HS3ST4: variants seen among roughly 807,000 people sequenced by gnomAD.
HS3ST4 encodes the protein heparan sulfate glucosamine 3-O-sulfotransferase 4.
HS3ST4 carries 17 observed loss-of-function variants against 29.2 expected under a neutral mutation model. That is an observed-to-expected ratio of 0.58 (90% CI 0.40 to 0.87). The LOEUF (loss-of-function observed/expected upper bound fraction) is 0.87. Among genes scored for constraint, HS3ST4 ranks in the 40% least tolerant of loss-of-function variants. HS3ST4 has a pLI of 0.00. For missense variants in HS3ST4, 627 were observed against 634.5 expected (o/e 0.99, Z 0.13); for synonymous variants, 314 against 285.7 (o/e 1.10, Z -1.00).
Position 25,756,396 on chromosome 16 carries a change from A to T in HS3ST4, c.734+63245A>T, listed in dbSNP as rs1379514621. Among the ~76,000 whole-genome samples, 4 of 152,114 alleles carry T rather than the reference A, an allele frequency of 2.6e-5. No individual in the cohort carries two copies. The East Asian group carries it at 7.7e-4, about 29-fold the overall frequency. On this transcript the variant is annotated intron_variant, in intron 1 of 1. Transcript: ENST00000331351. ...GGAGGTGAGTGCAGGGTACATCTAAAAGCTGAACTGTTAAATAGAAAGGCT... is the reference window on the plus strand; with the variant it reads ...GGAGGTGAGTGCAGGGTACATCTAATAGCTGAACTGTTAAATAGAAAGGCT...
At chr16:26,011,886 G>A (rs2141740459) in intron 1 of HS3ST4, among the ~76,000 whole-genome samples, 1 of 152,150 alleles carries the variant, frequency 6.6e-6, no homozygotes, top group African/African-American at 2.4e-5. Flanking sequence ...AGGATATGAA[G>A]TCTACAGATT....
intron 1 of HS3ST4, among the ~76,000 whole-genome samples, chr16:25,847,735 G>C (rs117127175): frequency 0.016 from 2,414 of 152,164 alleles, 22 homozygotes; most frequent in Middle Eastern, 0.024. Flanking sequence ...ATTTATTAAG[G>C]TGAACATATA....
intron 1 of HS3ST4, among the ~76,000 whole-genome samples, chr16:25,800,031 C>CTCCT (rs10559837): frequency 2.0e-5 from 3 of 149,462 alleles, no homozygotes; most frequent in East Asian, 2.0e-4. Flanking sequence ...TTCTCTCCCT[C>CTCCT]TCCTTCCTTC....
At chr16:25,906,310 C>G (rs1968179530) in intron 1 of HS3ST4, among the ~76,000 whole-genome samples, 1 of 152,144 alleles carries the variant, frequency 6.6e-6, no homozygotes, top group African/African-American at 2.4e-5. Context: ...CTGAAAAGTG[C>G]TTTTCAAGCA....
intron 1 of HS3ST4, among the ~76,000 whole-genome samples, chr16:26,106,351 T>G (rs144471380): frequency 6.6e-6 from 1 of 152,190 alleles, no homozygotes; most frequent in Non-Finnish European, 1.5e-5. Context: ...CAAGGTGACT[T>G]CTCTATAAGA....
intron 1 of HS3ST4, among the ~76,000 whole-genome samples, chr16:26,117,913 G>T (rs1193553266): frequency 6.6e-6 from 1 of 152,188 alleles, no homozygotes; most frequent in Non-Finnish European, 1.5e-5. Context: ...CAAGTGGGGA[G>T]GTACCAGCAA....
chr16:26,033,672 T>C (rs907190140), intron 1 of HS3ST4, among the ~76,000 whole-genome samples: 1 of 151,792 alleles, frequency 6.6e-6, no homozygotes, highest in Non-Finnish European at 1.5e-5. Flanking sequence ...CAGTGAGCCA[T>C]GATCACACCA....
chr16:25,966,898 A>G (rs575971970), intron 1 of HS3ST4, among the ~76,000 whole-genome samples: 1 of 152,284 alleles, frequency 6.6e-6, no homozygotes, highest in Admixed American at 6.5e-5. Flanking sequence ...ATGCCTCCAC[A>G]TCACTTGGAT....
intron 1 of HS3ST4, among the ~76,000 whole-genome samples, chr16:25,967,714 G>C (rs543123190): frequency 1.3e-5 from 2 of 152,284 alleles, no homozygotes; most frequent in Non-Finnish European, 2.9e-5. Flanking sequence ...CTGGACTCAA[G>C]TGAGAAGAGA....
intron 1 of HS3ST4, among the ~76,000 whole-genome samples, chr16:25,806,689 C>T (rs917270846): frequency 6.6e-6 from 1 of 152,054 alleles, no homozygotes. Flanking sequence ...GCATACATTC[C>T]TCATGCAGTT....
intron 1 of HS3ST4, among the ~76,000 whole-genome samples, chr16:25,837,856 G>A (rs1468113723): frequency 6.6e-6 from 1 of 152,144 alleles, no homozygotes; most frequent in African/African-American, 2.4e-5. Flanking sequence ...TGTCACTGAG[G>A]TTGGGTGTAG....
intron 1 of HS3ST4, among the ~76,000 whole-genome samples, chr16:26,029,512 A>G (rs1023679059): frequency 6.6e-6 from 1 of 152,062 alleles, no homozygotes; most frequent in Non-Finnish European, 1.5e-5. Context: ...TCCTGGGTTC[A>G]AGTGATTCTC....
chr16:25,955,286 A>G (rs908600893), intron 1 of HS3ST4, among the ~76,000 whole-genome samples: 11 of 152,304 alleles, frequency 7.2e-5, no homozygotes, highest in African/African-American at 2.6e-4. Flanking sequence ...GGGTTATGGC[A>G]CTAGGCTAGG....
intron 1 of HS3ST4, among the ~76,000 whole-genome samples, chr16:25,886,038 T>G (rs1171955393): frequency 7.1e-6 from 1 of 140,984 alleles, no homozygotes; most frequent in Non-Finnish European, 1.5e-5. Context: ...TTTTTTTTTT[T>G]TTTTTTTTTT....
intron 1 of HS3ST4, among the ~76,000 whole-genome samples, chr16:25,960,875 G>A (rs1407959405): frequency 6.6e-6 from 1 of 152,168 alleles, no homozygotes; most frequent in African/African-American, 2.4e-5. Context: ...ATCTGTGCAA[G>A]GAAACATGGG....
intron 1 of HS3ST4, among the ~76,000 whole-genome samples, chr16:25,742,558 A>G (rs948163501): frequency 1.3e-5 from 2 of 152,198 alleles, no homozygotes; most frequent in Non-Finnish European, 2.9e-5. Flanking sequence ...TTCCCAGAGG[A>G]TAATAGGGGT....
At chr16:25,936,656 T>C (rs1025202756) in intron 1 of HS3ST4, among the ~76,000 whole-genome samples, 2 of 152,268 alleles carry the variant, frequency 1.3e-5, no homozygotes, top group African/African-American at 4.8e-5. Context: ...CACAGCATTT[T>C]CTCTGTGTCA....
intron 1 of HS3ST4, among the ~76,000 whole-genome samples, chr16:25,871,828 C>T (rs974383003): frequency 6.6e-6 from 1 of 152,072 alleles, no homozygotes; most frequent in Non-Finnish European, 1.5e-5. Flanking sequence ...TCAGGCTAGA[C>T]AATTGTCAGA....
At chr16:26,067,076 C>T (rs1395422261) in intron 1 of HS3ST4, among the ~76,000 whole-genome samples, 3 of 152,138 alleles carry the variant, frequency 2.0e-5, no homozygotes, top group Non-Finnish European at 1.5e-5. Context: ...GATTAAGCAC[C>T]ATTTTTTAGG....
Sources: gnomAD v4.1 joint callset for allele counts (sites outside exome capture counted in the v4.1 genomes callset) on GRCh38, gnomAD v4.1.1 for gene constraint, MANE v1.5 for transcripts, NCBI Gene and HGNC (gene_info 2026-07-23, HGNC 2026-07-21) for gene names.